The following CAB39 variants were observed in gnomAD, a reference collection of about 807,000 sequenced individuals.
CAB39 encodes the protein calcium binding protein 39.
CAB39 carries 8 observed loss-of-function variants against 40.0 expected under a neutral mutation model. The ratio of observed to expected loss-of-function variants is 0.20; its 90% CI spans 0.12 to 0.36. The LOEUF (loss-of-function observed/expected upper bound fraction) is 0.36, where lower values mean the gene tolerates loss of function less well. CAB39 is among the 10% of genes least tolerant of loss of function. CAB39 has a pLI of 1.00. For missense variants in CAB39, 270 were observed against 401.1 expected (o/e 0.67, Z 2.79); for synonymous variants, 156 against 141.6 (o/e 1.10, Z -0.72).
At chr2:230,716,877 C>T (rs906827035) in intron 1 of CAB39, among the ~76,000 whole-genome samples, 2 of 152,144 alleles carry the variant, frequency 1.3e-5, no homozygotes, top group Admixed American at 6.5e-5. Flanking sequence ...GTGTGTGTGC[C>T]TGTTGTCCTA....
At chr2:230,740,707 G>C (rs945081751) in intron 1 of CAB39, among the ~76,000 whole-genome samples, 1 of 152,176 alleles carries the variant, frequency 6.6e-6, no homozygotes, top group Non-Finnish European at 1.5e-5. Flanking sequence ...ATCCAGTGCT[G>C]CTGCTGATCT....
At position 230,722,012 on chromosome 2, in the gene CAB39, A is replaced by G. The variant is rs189382004; in HGVS notation, c.-44+8782A>G. On this transcript the variant is annotated intron_variant, in intron 1 of 8. Coordinates refer to ENST00000258418, the MANE Select transcript of CAB39 (RefSeq NM_016289.4). ...GGATGATAATTTTTTGTCAGTTGGAATTCAACTAAGATTGTAGTGGCTTTC... is the reference window on the plus strand; with the variant it reads ...GGATGATAATTTTTTGTCAGTTGGAGTTCAACTAAGATTGTAGTGGCTTTC... Among the ~76,000 whole-genome samples the G allele has an allele frequency of 1.3e-3, 198 of 151,580 alleles. 2 individuals carry two copies. The highest frequency in any genetic ancestry group is 7.2e-4 in the Admixed American group (11 of 15,250).
Position 230,714,464 on chromosome 2 carries a change from A to G in CAB39, c.-44+1234A>G, listed in dbSNP as rs570086540. 2.6e-5 allele frequency among the ~76,000 whole-genome samples: 4 copies of G among 152,332 alleles called. No homozygotes were observed. In the East Asian group the frequency reaches 5.8e-4, roughly 22 times the overall value. ...TTAGATATCAGGCTCTTAAGAGGTA[A>G]TGGAAAGGTGTCTATAAAATAAGCT... On this transcript the variant is annotated intron_variant, in intron 1 of 8. Transcript: ENST00000258418.
intron 1 of CAB39, among the ~76,000 whole-genome samples, chr2:230,726,950 T>C (rs1694583739): frequency 6.7e-6 from 1 of 149,264 alleles, no homozygotes; most frequent in South Asian, 2.1e-4. Context: ...TGCCCTTTGG[T>C]GTTTGAAAAG....
rs1436911892 is a variant in CAB39 at position 230,820,620 on chromosome 2, C to T, written c.*1916C>T. 6.6e-6 allele frequency: 1 copy of T among 152,576 alleles called. No homozygotes were observed. The highest frequency in any genetic ancestry group is 6.5e-5 in the Admixed American group (1 of 15,284). 9.5% of individuals were successfully genotyped at this position (152,576 alleles called of 1,614,324 possible). ...GGAAGAAACGTCTTCTTGCCAAGCT[C>T]ATTCTTAGAACTTACACATCTAGAA... On this transcript the variant is annotated 3_prime_UTR_variant, in exon 9 of 9. Coordinates refer to ENST00000258418, the MANE Select transcript of CAB39 (RefSeq NM_016289.4).
intron 1 of CAB39, among the ~76,000 whole-genome samples, chr2:230,757,808 TCC>T (rs1224826361): frequency 6.6e-6 from 1 of 151,120 alleles, no homozygotes; most frequent in African/African-American, 2.4e-5. Flanking sequence ...CTTGCATGCT[TCC>T]CCCCCACCCC....
chr2:230,758,483 A>G (rs916054949), intron 1 of CAB39, among the ~76,000 whole-genome samples: 4 of 152,172 alleles, frequency 2.6e-5, no homozygotes, highest in South Asian at 2.1e-4. Flanking sequence ...GAGAAATAAC[A>G]TACTTGTTTA....
chr2:230,730,920 A>G (rs1227977243), intron 1 of CAB39, among the ~76,000 whole-genome samples: 1 of 152,242 alleles, frequency 6.6e-6, no homozygotes, highest in Non-Finnish European at 1.5e-5. Flanking sequence ...ACTGCCATTT[A>G]TTAGTAAGCT....
intron 5 of CAB39, among the ~76,000 whole-genome samples, chr2:230,805,742 G>A (rs570736279): frequency 3.9e-5 from 6 of 152,356 alleles, no homozygotes; most frequent in African/African-American, 1.4e-4. Context: ...CATGGAAACA[G>A]TAAAACTGAG....
chr2:230,786,161 C>G (rs1695788565), intron 2 of CAB39, among the ~76,000 whole-genome samples: 1 of 93,412 alleles, frequency 1.1e-5, no homozygotes, highest in African/African-American at 5.8e-5. Context: ...AAGACTCTGT[C>G]TCAAAAAAAA....
chr2:230,722,773 T>G lies in CAB39; in HGVS notation c.-44+9543T>G, dbSNP rs532242803. On this transcript the variant is annotated intron_variant, in intron 1 of 8. Coordinates refer to ENST00000258418, the MANE Select transcript of CAB39 (RefSeq NM_016289.4). Reference sequence around the variant, plus strand: ...ACTATACGTACTTTGAAAAATATTTTAAGACTTTAGAAGTGTTTAAGCAAC... The same window carrying G: ...ACTATACGTACTTTGAAAAATATTTGAAGACTTTAGAAGTGTTTAAGCAAC... Among the ~76,000 whole-genome samples the G allele has an allele frequency of 2.0e-5, 3 of 152,346 alleles. No individual in the cohort carries two copies. The East Asian group carries it at 5.8e-4, about 29-fold the overall frequency.
Position 230,773,298 on chromosome 2 carries a change from G to GTATATA in CAB39, c.114+13195_114+13200dup, listed in dbSNP as rs555144903. On this transcript the variant is annotated intron_variant, in intron 2 of 8. Transcript: ENST00000258418. The stretch of plus-strand genomic sequence containing the variant: ...TCTTGATGGTTTCATGGGTGTATGT[G>GTATATA]TATATATATATATATATGTGTGTGT... Among the ~76,000 whole-genome samples the GTATATA allele has an allele frequency of 4.5e-3, 581 of 127,764 alleles. 1 individual carries two copies. Among genetic ancestry groups the GTATATA allele is most frequent in the African/African-American group, 0.016 (484 of 30,502 alleles). 83.8% of individuals were successfully genotyped at this position (127,764 alleles called of 152,430 possible). A position where few individuals can be genotyped will look rare whatever the true frequency, so the allele number is the denominator to read the frequency against.
chr2:230,816,968 A>G (rs1244092651), intron 7 of CAB39, among the ~76,000 whole-genome samples: 1 of 152,214 alleles, frequency 6.6e-6, no homozygotes, highest in East Asian at 1.9e-4. Flanking sequence ...GGCTCTGCAC[A>G]CTCAGCCTTG....
At chr2:230,797,522 A>AG (rs1182364671) in intron 4 of CAB39, among the ~76,000 whole-genome samples, 1 of 81,282 alleles carries the variant, frequency 1.2e-5, no homozygotes, top group African/African-American at 4.9e-5. Flanking sequence ...ATGAGGAAGC[A>AG]GGGGGGTGGG....
intron 3 of CAB39, among the ~76,000 whole-genome samples, chr2:230,792,818 A>ATCAC (rs1695914206): frequency 2.6e-5 from 4 of 152,204 alleles, no homozygotes; most frequent in Admixed American, 2.6e-4. Flanking sequence ...AGGAAAGCAC[A>ATCAC]TATAGTGTTC....
Position 230,768,203 on chromosome 2 carries a change from A to G in CAB39, c.114+8088A>G, listed in dbSNP as rs530908954. Reference sequence around the variant, plus strand: ...GTTAAAACAGATATTGCTAAGACTTATAAGAGTTTATATATTGAATTTGTG... The same window carrying G: ...GTTAAAACAGATATTGCTAAGACTTGTAAGAGTTTATATATTGAATTTGTG... On this transcript the variant is annotated intron_variant, in intron 2 of 8. Transcript: ENST00000258418. 4.9e-4 allele frequency among the ~76,000 whole-genome samples: 74 copies of G among 152,354 alleles called. 1 individual carries two copies. In the South Asian group the frequency reaches 7.5e-3, roughly 15 times the overall value.
At chr2:230,783,634 G>A (rs1695736710) in intron 2 of CAB39, among the ~76,000 whole-genome samples, 2 of 149,886 alleles carry the variant, frequency 1.3e-5, no homozygotes, top group South Asian at 4.3e-4. Flanking sequence ...AAGTAGCTGG[G>A]ACCATAGGCA....
At chr2:230,716,724 G>C (rs543388235) in intron 1 of CAB39, among the ~76,000 whole-genome samples, 1 of 152,200 alleles carries the variant, frequency 6.6e-6, no homozygotes, top group African/African-American at 2.4e-5. Context: ...AGGTCAGGCC[G>C]AGCGGGGTAG....
chr2:230,760,970 G>A (rs541246546), intron 2 of CAB39, among the ~76,000 whole-genome samples: 5 of 151,080 alleles, frequency 3.3e-5, no homozygotes, highest in African/African-American at 9.7e-5. Context: ...CAGGATCTTC[G>A]TGATCTGATC....
Sources: gnomAD v4.1 joint callset for allele counts (sites outside exome capture counted in the v4.1 genomes callset) on GRCh38, gnomAD v4.1.1 for gene constraint, MANE v1.5 for transcripts, NCBI Gene and HGNC (gene_info 2026-07-23, HGNC 2026-07-21) for gene names.